Variants in DNAH3 observed in about 807,000 individuals in gnomAD.
DNAH3 encodes dynein axonemal heavy chain 3, also known as axonemal beta dynein heavy chain 3.
In DNAH3, 332 loss-of-function variants were observed where a neutral mutation model predicts 432.5. That is an observed-to-expected ratio of 0.77 (90% CI 0.70 to 0.84). The LOEUF (loss-of-function observed/expected upper bound fraction) is 0.84. Among genes scored for constraint, DNAH3 ranks in the 40% least tolerant of loss-of-function variants. The pLI, the probability that DNAH3 is intolerant of heterozygous loss-of-function variation, is 0.00. For synonymous variants in DNAH3, 1,956 were observed against 1,900.2 expected (o/e 1.03, Z -0.76); for missense variants, 4,861 against 5,114.0 (o/e 0.95, Z 1.51).
chr16:21,004,675 G>A (rs1418677118), intron 41 of DNAH3, among the ~76,000 whole-genome samples: 2 of 151,394 alleles, frequency 1.3e-5, no homozygotes, highest in Non-Finnish European at 3.0e-5. Context: ...GCCCTTCCCC[G>A]TCTCTTTCTT....
intron 42 of DNAH3, among the ~76,000 whole-genome samples, chr16:21,001,909 G>C (rs2087038742): frequency 6.6e-6 from 1 of 152,176 alleles, no homozygotes. Flanking sequence ...CAGAACTGAA[G>C]ATATTTTCTT....
intron 57 of DNAH3, among the ~76,000 whole-genome samples, chr16:20,948,050 A>C (rs1342522559): frequency 6.6e-6 from 1 of 152,220 alleles, no homozygotes; most frequent in Non-Finnish European, 1.5e-5. Context: ...TGCTGAGATT[A>C]CAGGCGTGAG....
intron 58 of DNAH3, among the ~76,000 whole-genome samples, chr16:20,942,737 G>GT (rs1371281313): frequency 6.6e-6 from 1 of 152,088 alleles, no homozygotes. Flanking sequence ...CTCAGGATTT[G>GT]TTTCTCTCTT....
chr16:21,052,447 G>A (rs74012104), intron 28 of DNAH3, among the ~76,000 whole-genome samples: 4,128 of 152,294 alleles, frequency 0.027, 172 homozygotes, highest in African/African-American at 0.094. Context: ...TAAAAGGTGC[G>A]TGCTCTGAAA....
In DNAH3 at chr16:21,118,853, C is replaced by T. The variant is rs145704985; in HGVS notation, c.1700-1536G>A. 5.3e-5 allele frequency among the ~76,000 whole-genome samples: 8 copies of T among 152,324 alleles called. No homozygotes were observed. In the East Asian group the frequency reaches 1.5e-3, roughly 29 times the overall value. Reference sequence around the variant, plus strand: ...TTCTCACTTGCATGGCTCATGCAGGCTGCAAAGTTCCTGCCTGGGACCCAT... The same window carrying T: ...TTCTCACTTGCATGGCTCATGCAGGTTGCAAAGTTCCTGCCTGGGACCCAT... On this transcript the variant is annotated intron_variant, in intron 11 of 61. Coordinates refer to ENST00000261383, the Ensembl canonical transcript of DNAH3.
At chr16:21,110,926 A>G (rs2092056346) in intron 14 of DNAH3, among the ~76,000 whole-genome samples, 2 of 152,118 alleles carry the variant, frequency 1.3e-5, no homozygotes, top group South Asian at 4.1e-4. Flanking sequence ...GATTGCTTGA[A>G]TCTAGGAATT....
chr16:21,131,257 T>C (rs931749681), intron 7 of DNAH3, among the ~76,000 whole-genome samples: 19 of 151,676 alleles, frequency 1.3e-4, no homozygotes, highest in Admixed American at 9.9e-4. Context: ...GCCCAGGAGT[T>C]TGAGGCTGCA....
exon 53 of DNAH3, chr16:20,964,574 T>C: frequency 1.9e-6 from 3 of 1,614,224 alleles, no homozygotes; most frequent in Non-Finnish European, 2.5e-6. Context: ...GAGAACTTGA[T>C]GACAGCCAGT....
chr16:21,079,806 T>C (rs1474232609), intron 20 of DNAH3, among the ~76,000 whole-genome samples: 1 of 152,184 alleles, frequency 6.6e-6, no homozygotes, highest in Non-Finnish European at 1.5e-5. Context: ...TAAAAAACAT[T>C]TGCGTCTCTA....
chr16:20,937,586 T>C (rs1159615830), intron 59 of DNAH3, among the ~76,000 whole-genome samples: 1 of 146,236 alleles, frequency 6.8e-6, no homozygotes, highest in Non-Finnish European at 1.5e-5. Flanking sequence ...GGAAGTGCAG[T>C]GGTGGAGTCA....
chr16:20,990,593 T>C (rs2086504904), intron 44 of DNAH3, among the ~76,000 whole-genome samples: 1 of 151,890 alleles, frequency 6.6e-6, no homozygotes, highest in South Asian at 2.1e-4. Flanking sequence ...TCTGTCTCTA[T>C]AGGTTTGCCT....
At chr16:21,016,902 CAAG>C (rs2087885134) in intron 41 of DNAH3, among the ~76,000 whole-genome samples, 1 of 152,016 alleles carries the variant, frequency 6.6e-6, no homozygotes, top group Non-Finnish European at 1.5e-5. Context: ...AAGCCAGTCA[CAAG>C]AAGACAAATA....
chr16:20,936,829 G>A, exon 60 of DNAH3: 1 of 1,612,748 alleles, frequency 6.2e-7, no homozygotes, highest in Non-Finnish European at 8.5e-7. Context: ...GATTGATGAG[G>A]CTCCTCCGAA....
In DNAH3 at chr16:20,936,850, C is replaced by T. The variant is rs1038769787; in HGVS notation, c.11658G>A (p.Leu3886=). ...TGAGGCTCCTCCGAACCACTTTGGT[C>T]AGCCTGCAAGAACAGAGGAGCTGGC... is the stretch of plus-strand genomic sequence containing the variant. The change falls in exon 60 of 62, where the codon CTG becomes CTA. Residue 3886 remains leucine (L), a synonymous_variant. Transcript: ENST00000261383. 5 of 1,609,730 alleles carry T rather than the reference C, an allele frequency of 3.1e-6. No homozygotes were observed. The African/African-American group carries it at 5.3e-5, about 17-fold the overall frequency.
intron 1 of DNAH3, among the ~76,000 whole-genome samples, chr16:21,154,842 A>G (rs1169493825): frequency 6.6e-6 from 1 of 152,148 alleles, no homozygotes; most frequent in Non-Finnish European, 1.5e-5. Flanking sequence ...GACTTCCCCC[A>G]GGCCACCTCA....
intron 52 of DNAH3, among the ~76,000 whole-genome samples, chr16:20,968,893 CTGTGTCTCTCTT>C (rs891826785): frequency 1.3e-5 from 2 of 151,368 alleles, no homozygotes; most frequent in Non-Finnish European, 2.9e-5. Context: ...CTCTCTGTTT[CTGTGTCTCTCTT>C]TGTGTCTCTG....
chr16:21,138,234 C>A, intron 5 of DNAH3, among the ~76,000 whole-genome samples: 1 of 150,790 alleles, frequency 6.6e-6, no homozygotes, highest in Non-Finnish European at 1.5e-5. Flanking sequence ...GGTGACAGAG[C>A]GAGATTCTGT....
At chr16:20,956,515 C>T (rs2084571826) in intron 54 of DNAH3, among the ~76,000 whole-genome samples, 1 of 152,026 alleles carries the variant, frequency 6.6e-6, no homozygotes, top group South Asian at 2.1e-4. Context: ...ATGCCTGGCC[C>T]CTATAGGCAC....
At chr16:21,115,318 C>A (rs1293262300) in intron 12 of DNAH3, among the ~76,000 whole-genome samples, 1 of 151,356 alleles carries the variant, frequency 6.6e-6, no homozygotes, top group African/African-American at 2.4e-5. Context: ...GTGCAGCACA[C>A]CAACATGACA....
Sources: allele counts gnomAD v4.1 joint callset (sites outside exome capture counted in the v4.1 genomes callset), GRCh38; gene constraint gnomAD v4.1.1; transcripts MANE v1.5; gene names NCBI Gene and HGNC (gene_info 2026-07-23, HGNC 2026-07-21).